The following GRIN2A variants were observed in gnomAD, a reference collection of about 807,000 sequenced individuals.
GRIN2A encodes the protein glutamate receptor ionotropic, NMDA 2A.
A neutral mutation model predicts 113.4 loss-of-function variants in GRIN2A; 22 were observed. That is an observed-to-expected ratio of 0.19 (90% CI 0.14 to 0.28). The LOEUF is 0.28. Ranked by LOEUF, GRIN2A falls within the 10% of genes least tolerant of loss-of-function variation. GRIN2A has a pLI of 1.00. For missense variants in GRIN2A, 1,502 were observed against 1,887.0 expected (o/e 0.80, Z 3.78); for synonymous variants, 827 against 738.4 (o/e 1.12, Z -1.94).
At chr16:10,119,049 A>G (rs2048780771) in intron 2 of GRIN2A, among the ~76,000 whole-genome samples, 1 of 152,232 alleles carries the variant, frequency 6.6e-6, no homozygotes, top group Admixed American at 6.5e-5. Context: ...GCATGGCCAT[A>G]GGAAAGCTGT....
At chr16:9,830,418 T>C (rs1041123220) in intron 8 of GRIN2A, among the ~76,000 whole-genome samples, 6 of 146,310 alleles carry the variant, frequency 4.1e-5, no homozygotes, top group African/African-American at 1.3e-4. Context: ...TTTATGGCGA[T>C]GGGGCATATG....
intron 2 of GRIN2A, among the ~76,000 whole-genome samples, chr16:10,020,971 A>T (rs1467181088): frequency 6.6e-6 from 1 of 152,056 alleles, no homozygotes; most frequent in Admixed American, 6.5e-5. Flanking sequence ...CACTTCCCCA[A>T]ACTTCTCCCT....
chr16:10,029,014 TC>T (rs1567244289), intron 2 of GRIN2A, among the ~76,000 whole-genome samples: 1 of 152,178 alleles, frequency 6.6e-6, no homozygotes, highest in African/African-American at 2.4e-5. Context: ...TTGGTTTCCT[TC>T]TTAGTCTCCT....
chr16:9,861,674 A>G (rs1479133961), intron 4 of GRIN2A, among the ~76,000 whole-genome samples: 9 of 152,216 alleles, frequency 5.9e-5, no homozygotes, highest in Admixed American at 5.9e-4. Flanking sequence ...TGATCTAAAG[A>G]GTATCCCAGA....
intron 2 of GRIN2A, among the ~76,000 whole-genome samples, chr16:10,120,335 C>A (rs2048809256): frequency 6.6e-6 from 1 of 152,208 alleles, no homozygotes; most frequent in South Asian, 2.1e-4. Flanking sequence ...CAGCCCCTCC[C>A]ACAGCAAAGA....
chr16:9,769,794 A>G (rs1311465638), intron 11 of GRIN2A, among the ~76,000 whole-genome samples: 1 of 152,162 alleles, frequency 6.6e-6, no homozygotes, highest in Non-Finnish European at 1.5e-5. Flanking sequence ...TTGTGAAGAA[A>G]ATGCCTAACA....
At chr16:9,873,527 AC>A (rs1055528432) in intron 4 of GRIN2A, among the ~76,000 whole-genome samples, 4 of 145,340 alleles carry the variant, frequency 2.8e-5, no homozygotes, top group South Asian at 4.4e-4. Flanking sequence ...AAAGTGAGAC[AC>A]CCCCCATCTC....
chr16:9,791,395 G>A (rs536575799), intron 11 of GRIN2A, among the ~76,000 whole-genome samples: 456 of 152,312 alleles, frequency 3.0e-3, no homozygotes, highest in African/African-American at 0.011. Flanking sequence ...GCTGTAGAAA[G>A]TTGAAAGGGA....
At chr16:9,891,532 A>T (rs1297485459) in intron 3 of GRIN2A, among the ~76,000 whole-genome samples, 1 of 152,240 alleles carries the variant, frequency 6.6e-6, no homozygotes, top group African/African-American at 2.4e-5. Context: ...GGACTCAGCT[A>T]GTTGGTTCAG....
At chr16:10,112,427 G>A in intron 2 of GRIN2A, 1 of 740,040 alleles carries the variant, frequency 1.4e-6, no homozygotes, top group Non-Finnish European at 2.5e-6. Context: ...TGTACAAGGT[G>A]GCCAAGTACG....
chr16:9,851,806 G>GC (rs1419621274), intron 4 of GRIN2A, among the ~76,000 whole-genome samples: 1 of 152,158 alleles, frequency 6.6e-6, no homozygotes, highest in African/African-American at 2.4e-5. Context: ...GAGCAACAGG[G>GC]TATGACCTTG....
chr16:9,804,443 C>T (rs1325864902), intron 10 of GRIN2A, among the ~76,000 whole-genome samples: 2 of 151,992 alleles, frequency 1.3e-5, no homozygotes, highest in Non-Finnish European at 2.9e-5. Context: ...TGCATGTTCT[C>T]TTCCTTTTTT....
At chr16:9,848,700 ACAC>A in intron 5 of GRIN2A, among the ~76,000 whole-genome samples, 5 of 73,164 alleles carry the variant, frequency 6.8e-5, no homozygotes, top group African/African-American at 4.1e-4. Context: ...TATATAAAAT[ACAC>A]TGTTTTATAA....
chr16:9,899,251 C>G (rs995654125), intron 3 of GRIN2A, among the ~76,000 whole-genome samples: 5 of 151,740 alleles, frequency 3.3e-5, no homozygotes, highest in African/African-American at 1.2e-4. Flanking sequence ...CCAGCCTGGC[C>G]AACATGGTGA....
chr16:9,847,929 A>G (rs1341776175), intron 5 of GRIN2A, among the ~76,000 whole-genome samples: 1 of 146,456 alleles, frequency 6.8e-6, no homozygotes, highest in Non-Finnish European at 1.5e-5. Context: ...TGTTTTATAT[A>G]TATATAAAAA....
chr16:10,074,391 G>A (rs1395044709), intron 2 of GRIN2A, among the ~76,000 whole-genome samples: 2 of 152,178 alleles, frequency 1.3e-5, no homozygotes, highest in East Asian at 1.9e-4. Context: ...ATATACCCAA[G>A]AGAACTGAAA....
intron 2 of GRIN2A, among the ~76,000 whole-genome samples, chr16:9,948,731 G>A (rs938085051): frequency 3.3e-5 from 5 of 152,192 alleles, no homozygotes; most frequent in African/African-American, 9.6e-5. Context: ...GGGGTGAACC[G>A]CCTCACTCCT....
rs151175532 is a variant in GRIN2A, at chr16:10,168,697, T to A, written c.414+11301A>T. 3.6e-3 allele frequency among the ~76,000 whole-genome samples: 548 copies of A among 152,290 alleles called. 5 individuals carry two copies. Among genetic ancestry groups the A allele is most frequent in the African/African-American group, 0.013 (524 of 41,554 alleles). On this transcript the variant is annotated intron_variant, in intron 2 of 12. Coordinates refer to ENST00000330684, the MANE Select transcript of GRIN2A (RefSeq NM_001134407.3). ...TAGTTTCACTCTTGGCCAGGTGCCG[T>A]GGCTAACGCCTGTAGTCCAGCACTT...
intron 3 of GRIN2A, among the ~76,000 whole-genome samples, chr16:9,893,565 C>G (rs1405905034): frequency 1.3e-5 from 2 of 152,198 alleles, no homozygotes; most frequent in African/African-American, 4.8e-5. Flanking sequence ...CTCCCAGGTT[C>G]AAATGATTCT....
Sources: allele counts gnomAD v4.1 joint callset (sites outside exome capture counted in the v4.1 genomes callset), GRCh38; gene constraint gnomAD v4.1.1; transcripts MANE v1.5; gene names NCBI Gene and HGNC (gene_info 2026-07-23, HGNC 2026-07-21).